Variants in QSER1 observed in about 807,000 individuals in gnomAD.
The protein encoded by QSER1 is glutamine and serine-rich protein 1.
A neutral mutation model predicts 158.5 loss-of-function variants in QSER1; 49 were observed. That is an observed-to-expected ratio of 0.31 (90% CI 0.25 to 0.39). The LOEUF (loss-of-function observed/expected upper bound fraction) is 0.39. Ranked by LOEUF, QSER1 falls within the 10% of genes least tolerant of loss-of-function variation. The pLI, the probability that QSER1 is intolerant of heterozygous loss-of-function variation, is 1.00. For missense variants in QSER1, 1,754 were observed against 2,010.3 expected, an observed-to-expected ratio of 0.87 and a Z score of 2.44; for synonymous variants, 650 against 715.5, an observed-to-expected ratio of 0.91 and a Z score of 1.46.
At chr11:32,962,272 A>G (rs555880209) in intron 8 of QSER1, among the ~76,000 whole-genome samples, 4 of 152,226 alleles carry the variant, frequency 2.6e-5, no homozygotes, top group African/African-American at 9.6e-5. Context: ...CCATGTCCTG[A>G]GCATTTTTTC....
chr11:32,892,867 CGCGA>C lies in QSER1; in HGVS notation c.-257_-254del, dbSNP rs1335008639. Among the ~76,000 whole-genome samples, 3 of 149,396 alleles carry C rather than the reference CGCGA, an allele frequency of 2.0e-5. No individual in the cohort carries two copies. Among genetic ancestry groups the C allele is most frequent in the Non-Finnish European group, 4.5e-5 (3 of 67,072 alleles). ...CGGCCGCCGCCGCCGCCGCCGTCGC[CGCGA>C]GTCCCGGCCGCGGGTGCCTCCGCTT... is the stretch of plus-strand genomic sequence containing the variant. On this transcript the variant is annotated 5_prime_UTR_variant, in exon 1 of 13. It removes the in-frame stop codon of an upstream open reading frame in the 5' UTR. Transcript: ENST00000650167.
chr11:32,953,816 T>C, intron 4 of QSER1, 41 bp from the exon 5 acceptor site: 1 of 1,550,246 alleles, frequency 6.5e-7, no homozygotes, highest in Non-Finnish European at 8.7e-7. Context: ...AGTGTTTAAA[T>C]ATTTGTAATA....
intron 1 of QSER1, among the ~76,000 whole-genome samples, chr11:32,901,124 A>G (rs889358303): frequency 6.6e-6 from 1 of 152,354 alleles, no homozygotes; most frequent in South Asian, 2.1e-4. Context: ...CACTTGCAGT[A>G]TGATCTTAGA....
chr11:32,970,443 C>T (rs80194577), intron 10 of QSER1, among the ~76,000 whole-genome samples: 3,803 of 152,224 alleles, frequency 0.025, 68 homozygotes, highest in Non-Finnish European at 0.041. Context: ...CTTGTTCTTT[C>T]GCCGAGGCTG....
Position 32,932,284 on chromosome 11 carries a change from T to C in QSER1, c.1026T>C (p.His342=). 1.2e-6 allele frequency: 2 copies of C among 1,613,956 alleles called. No homozygotes were observed. The highest frequency in any genetic ancestry group is 8.5e-7 in the Non-Finnish European group (1 of 1,180,024). ...TGACTGGTTCACAGCACTCCTTACA[T>C]AGTTATCTATCAAATTCAAGTGTAG... is the stretch of plus-strand genomic sequence containing the variant. ...AQLTGSQHSL[H]SYLSNSSVVN... The change falls in exon 4 of 13, where the codon CAT becomes CAC. Residue 342 remains histidine (H), a synonymous_variant. Transcript: ENST00000650167.
chr11:32,969,296 G>T (rs6416072), intron 10 of QSER1, among the ~76,000 whole-genome samples, 153 bp downstream of exon 10: 144,557 of 152,296 alleles, frequency 0.95, 69,055 homozygotes, highest in South Asian at 1. Context: ...TAGTTTGTCT[G>T]CTTAGTGTTA....
In QSER1 at chr11:32,934,663, G is replaced by A; in HGVS notation, c.3405G>A (p.Glu1135=). 3.7e-6 allele frequency: 6 copies of A among 1,613,766 alleles called. No homozygotes were observed. Among genetic ancestry groups the A allele is most frequent in the Non-Finnish European group, 5.1e-6 (6 of 1,179,858 alleles). ...CATTAAATAATAACAGAAACCAAGA[G>A]TTTGTTTCTAGTAGTAGAAGTATAA... is the stretch of plus-strand genomic sequence containing the variant. ...DSTLNNNRNQ[E]FVSSSRSISG... The change falls in exon 4 of 13, where the codon GAG becomes GAA. Residue 1135 remains glutamate, a synonymous_variant. Transcript: ENST00000650167.
intron 4 of QSER1, among the ~76,000 whole-genome samples, chr11:32,944,944 GGATA>G (rs1418539879): frequency 7.2e-6 from 1 of 139,684 alleles, no homozygotes; most frequent in East Asian, 2.1e-4. Context: ...TATATATTTA[GGATA>G]GTTAGCTCTT....
intron 1 of QSER1, among the ~76,000 whole-genome samples, chr11:32,924,531 G>A (rs1184583851): frequency 6.7e-6 from 1 of 148,758 alleles, no homozygotes; most frequent in Non-Finnish European, 1.5e-5. Context: ...CTGCAATTGA[G>A]GTTGGGTGAC....
intron 4 of QSER1, among the ~76,000 whole-genome samples, chr11:32,937,118 G>A (rs1470242240): frequency 6.6e-6 from 1 of 152,052 alleles, no homozygotes; most frequent in East Asian, 1.9e-4. Flanking sequence ...TTCTTCCAGA[G>A]ATATGTTATC....
At chr11:32,951,169 T>A (rs1416822344) in intron 4 of QSER1, among the ~76,000 whole-genome samples, 1 of 152,240 alleles carries the variant, frequency 6.6e-6, no homozygotes, top group Non-Finnish European at 1.5e-5. Context: ...TTAATTATAA[T>A]CATCCTAGTA....
rs1194026728 is a variant in QSER1, at chr11:32,935,442, TTTTACA to T, written c.4177+8_4177+13del. 1.4e-6 allele frequency: 2 copies of T among 1,474,500 alleles called. No individual in the cohort carries two copies. Among genetic ancestry groups the T allele is most frequent in the African/African-American group, 2.8e-5 (2 of 71,040 alleles). The allele number at this position is 1,474,500 out of a possible 1,614,324, so 91.3% of individuals were successfully genotyped here. On this transcript the variant is annotated splice_region_variant and intron_variant, in intron 4 of 12. Coordinates refer to ENST00000650167, the MANE Select transcript of QSER1 (RefSeq NM_001076786.3). ...GATAAAAAGAAGAAAACAGGTAAAG[TTTTACA>T]ATTTAGATTCATAATTATTACTTTC...
At chr11:32,942,806 C>T (rs1352120133) in intron 4 of QSER1, among the ~76,000 whole-genome samples, 1 of 151,672 alleles carries the variant, frequency 6.6e-6, no homozygotes, top group African/African-American at 2.4e-5. Context: ...GGCATTGAAT[C>T]TGTAAATTAC....
At chr11:32,955,923 AC>A (rs1852502979) in intron 6 of QSER1, 64 bp from the exon 7 acceptor site, 5 of 1,462,910 alleles carry the variant, frequency 3.4e-6, no homozygotes, top group Non-Finnish European at 4.7e-6. Flanking sequence ...AGTCAATTGA[AC>A]AAACAAAGTA....
chr11:32,951,483 A>T (rs976152254), intron 4 of QSER1, among the ~76,000 whole-genome samples: 1 of 152,158 alleles, frequency 6.6e-6, no homozygotes, highest in Non-Finnish European at 1.5e-5. Flanking sequence ...TCAGATTTTT[A>T]TAGGAATTGG....
At chr11:32,896,784 T>C (rs949985730) in intron 1 of QSER1, among the ~76,000 whole-genome samples, 14 of 152,186 alleles carry the variant, frequency 9.2e-5, no homozygotes, top group African/African-American at 3.4e-4. Context: ...ATGAGTATGA[T>C]AAATACTCCT....
intron 7 of QSER1, among the ~76,000 whole-genome samples, chr11:32,956,829 G>A (rs930831059): frequency 6.6e-6 from 1 of 152,226 alleles, no homozygotes; most frequent in Non-Finnish European, 1.5e-5. Context: ...AGGCTGCAGT[G>A]TAGTGGCATG....
chr11:32,980,039 C>T lies in QSER1; in HGVS notation c.*3565C>T, dbSNP rs1349720747. ...GTGTATACTCTTGGTTGTGCATTAACTTACATGTATAATTTTTGGCATCTG... is the reference window on the plus strand; with the variant it reads ...GTGTATACTCTTGGTTGTGCATTAATTTACATGTATAATTTTTGGCATCTG... On this transcript the variant is annotated 3_prime_UTR_variant, in exon 13 of 13. Transcript: ENST00000650167. 1 of 152,602 alleles carries T rather than the reference C, an allele frequency of 6.6e-6. No homozygotes were observed. The highest frequency in any genetic ancestry group is 1.5e-5 in the Non-Finnish European group (1 of 68,014). 9.5% of individuals were successfully genotyped at this position (152,602 alleles called of 1,614,324 possible).
chr11:32,933,883 T>C lies in QSER1; in HGVS notation c.2625T>C (p.Gly875=), dbSNP rs147255191. ...LQQSILQAGL[G]QVKASLQAQR... is the part of the protein sequence containing the mutation. ...AGTCAATACTGCAGGCAGGTTTAGG[T>C]CAAGTAAAGGCATCTTTACAAGCAC... The change falls in exon 4 of 13, where the codon GGT becomes GGC. Residue 875 remains glycine, a synonymous_variant. Transcript: ENST00000650167. The C allele has an allele frequency of 2.0e-4, 324 of 1,613,596 alleles. No homozygotes were observed. The African/African-American group carries it at 3.9e-3, about 20-fold the overall frequency.
Sources: gnomAD v4.1 joint callset for allele counts (sites outside exome capture counted in the v4.1 genomes callset) on GRCh38, gnomAD v4.1.1 for gene constraint, MANE v1.5 for transcripts, NCBI Gene and HGNC (gene_info 2026-07-23, HGNC 2026-07-21) for gene names.